Variants in TSC22D1 observed in about 807,000 individuals in gnomAD.
TSC22D1 encodes TSC22 domain family protein 1.
Under a neutral mutation model 74.2 loss-of-function variants are expected in TSC22D1, and 9 were observed. That is an observed-to-expected ratio of 0.12 (90% CI 0.07 to 0.21). The LOEUF (loss-of-function observed/expected upper bound fraction) is 0.21. Ranked by LOEUF, TSC22D1 falls within the 10% of genes least tolerant of loss-of-function variation. TSC22D1 has a pLI of 1.00. For missense variants in TSC22D1, 1,427 were observed against 1,304.7 expected, an observed-to-expected ratio of 1.09 and a Z score of -1.44; for synonymous variants, 586 against 492.5, an observed-to-expected ratio of 1.19 and a Z score of -2.51.
At chr13:44,572,512 A>G (rs1459449122) in intron 1 of TSC22D1, among the ~76,000 whole-genome samples, 2 of 152,220 alleles carry the variant, frequency 1.3e-5, no homozygotes, top group African/African-American at 4.8e-5. Flanking sequence ...TCAGCATACT[A>G]TCAAGATAAG....
intron 1 of TSC22D1, among the ~76,000 whole-genome samples, chr13:44,520,695 A>G (rs1436409541): frequency 6.6e-6 from 1 of 152,168 alleles, no homozygotes; most frequent in African/African-American, 2.4e-5. Flanking sequence ...AGCTGAAGGA[A>G]GGGGTGTTGA....
At chr13:44,466,142 T>G (rs753597284) in intron 1 of TSC22D1, among the ~76,000 whole-genome samples, 1 of 152,116 alleles carries the variant, frequency 6.6e-6, no homozygotes, top group Non-Finnish European at 1.5e-5. Flanking sequence ...CCAGGAGCAC[T>G]CATCTAGACT....
intron 1 of TSC22D1, among the ~76,000 whole-genome samples, chr13:44,456,860 AAAAT>A (rs1308835934): frequency 2.0e-5 from 3 of 152,364 alleles, no homozygotes; most frequent in Non-Finnish European, 4.4e-5. Context: ...TACAGGAAAG[AAAAT>A]AAATAACAGC....
Position 44,547,719 on chromosome 13 carries a change from C to T in TSC22D1, c.2912+25444G>A, listed in dbSNP as rs527281012. ...ACAAAGTTGGTTACAGGTAAATATTCATAACTTTTTGTTTTAATTTTTAAC... is the reference window on the plus strand; with the variant it reads ...ACAAAGTTGGTTACAGGTAAATATTTATAACTTTTTGTTTTAATTTTTAAC... On this transcript the variant is annotated intron_variant, in intron 1 of 2. Transcript: ENST00000458659. 8.5e-5 allele frequency among the ~76,000 whole-genome samples: 13 copies of T among 152,144 alleles called. No individual in the cohort carries two copies. The East Asian group carries it at 2.1e-3, about 25-fold the overall frequency.
In TSC22D1 at chr13:44,432,791, GAT is replaced by G. The variant is rs1874158843; in HGVS notation, c.*1833_*1834del. Reference sequence around the variant, plus strand: ...CCACTGCTGAGGCCCTAGGTTGATAGATTACAGAGCCGGTAAACCCACCCCAT... The same window carrying G: ...CCACTGCTGAGGCCCTAGGTTGATAGTACAGAGCCGGTAAACCCACCCCAT... On this transcript the variant is annotated 3_prime_UTR_variant, in exon 3 of 3. Coordinates refer to ENST00000458659, the MANE Select transcript of TSC22D1 (RefSeq NM_183422.4). 6.6e-6 allele frequency: 1 copy of G among 152,230 alleles called. No homozygotes were observed. Among genetic ancestry groups the G allele is most frequent in the Admixed American group, 6.5e-5 (1 of 15,282 alleles). The allele number at this position is 152,230 out of a possible 1,614,324, so 9.4% of individuals were successfully genotyped here.
At chr13:44,573,059 ACAC>A in intron 1 of TSC22D1, 101 bp downstream of exon 1, 1 of 1,449,860 alleles carries the variant, frequency 6.9e-7, no homozygotes, top group Non-Finnish European at 9.1e-7. Flanking sequence ...CACATACAAA[ACAC>A]AATATACAAT....
chr13:44,572,485 T>A (rs1001114378), intron 1 of TSC22D1, among the ~76,000 whole-genome samples: 2 of 152,204 alleles, frequency 1.3e-5, no homozygotes, highest in African/African-American at 2.4e-5. Context: ...TGATCTACCA[T>A]GCAAAAGAAA....
At chr13:44,560,814 T>C (rs982619582) in intron 1 of TSC22D1, among the ~76,000 whole-genome samples, 1 of 152,220 alleles carries the variant, frequency 6.6e-6, no homozygotes, top group African/African-American at 2.4e-5. Flanking sequence ...ATAATCTAAC[T>C]TTCAACTAGC....
chr13:44,450,715 G>T (rs879802267), intron 1 of TSC22D1, among the ~76,000 whole-genome samples: 1 of 152,204 alleles, frequency 6.6e-6, no homozygotes, highest in Non-Finnish European at 1.5e-5. Context: ...GAGTAAACTG[G>T]TTCTGGGGTA....
chr13:44,554,475 T>C (rs899738013), intron 1 of TSC22D1, among the ~76,000 whole-genome samples: 5 of 152,142 alleles, frequency 3.3e-5, no homozygotes, highest in African/African-American at 4.8e-5. Context: ...CTTATGATGC[T>C]TGAGTGTACT....
At chr13:44,464,128 C>A (rs890664780) in intron 1 of TSC22D1, among the ~76,000 whole-genome samples, 3 of 152,146 alleles carry the variant, frequency 2.0e-5, no homozygotes, top group African/African-American at 7.2e-5. Flanking sequence ...CTAAGATGAT[C>A]CTCATTGTTT....
intron 1 of TSC22D1, among the ~76,000 whole-genome samples, chr13:44,544,940 G>A (rs1485124443): frequency 2.0e-5 from 3 of 151,996 alleles, no homozygotes; most frequent in Non-Finnish European, 4.4e-5. Context: ...ATTCACTATA[G>A]AATAAAAGAT....
At chr13:44,466,928 C>T (rs1194330806) in intron 1 of TSC22D1, among the ~76,000 whole-genome samples, 4 of 152,060 alleles carry the variant, frequency 2.6e-5, no homozygotes, top group Admixed American at 1.3e-4. Flanking sequence ...TTTGGGAGGC[C>T]GAGGTGGGCA....
At chr13:44,533,448 A>T (rs1286130974) in intron 1 of TSC22D1, among the ~76,000 whole-genome samples, 1 of 148,768 alleles carries the variant, frequency 6.7e-6, no homozygotes, top group Non-Finnish European at 1.5e-5. Flanking sequence ...TAAGAGTAAG[A>T]CTCTGTATCA....
At chr13:44,455,666 C>T (rs1566121093) in intron 1 of TSC22D1, among the ~76,000 whole-genome samples, 3 of 152,166 alleles carry the variant, frequency 2.0e-5, no homozygotes, top group Admixed American at 2.0e-4. Flanking sequence ...GCAATGATAG[C>T]TCTTTTTTGA....
intron 1 of TSC22D1, among the ~76,000 whole-genome samples, chr13:44,501,425 G>C (rs1879214205): frequency 6.6e-6 from 1 of 152,136 alleles, no homozygotes; most frequent in Non-Finnish European, 1.5e-5. Flanking sequence ...CAAATCACTG[G>C]AATAAGGTAG....
chr13:44,535,368 C>G (rs1881079997), intron 1 of TSC22D1, among the ~76,000 whole-genome samples: 1 of 151,988 alleles, frequency 6.6e-6, no homozygotes, highest in Non-Finnish European at 1.5e-5. Flanking sequence ...TCCAGAGTAC[C>G]TAAGTGCTGA....
intron 1 of TSC22D1, among the ~76,000 whole-genome samples, chr13:44,476,620 T>C (rs1325921541): frequency 6.6e-6 from 1 of 152,244 alleles, no homozygotes; most frequent in Non-Finnish European, 1.5e-5. Flanking sequence ...AATTTTATGA[T>C]GGCTGTTTTC....
chr13:44,464,129 C>T (rs1877139710), intron 1 of TSC22D1, among the ~76,000 whole-genome samples: 1 of 152,140 alleles, frequency 6.6e-6, no homozygotes, highest in Non-Finnish European at 1.5e-5. Flanking sequence ...TAAGATGATC[C>T]TCATTGTTTT....
Sources: allele counts gnomAD v4.1 joint callset (sites outside exome capture counted in the v4.1 genomes callset), GRCh38; gene constraint gnomAD v4.1.1; transcripts MANE v1.5; gene names NCBI Gene and HGNC (gene_info 2026-07-23, HGNC 2026-07-21).